The following AKAP7 variants were observed in gnomAD, a reference collection of about 807,000 sequenced individuals.
AKAP7 encodes the protein A kinase (PRKA) anchor protein 7.
A neutral mutation model predicts 39.5 loss-of-function variants in AKAP7; 39 were observed. That is an observed-to-expected ratio of 0.99 (90% CI 0.76 to 1.29). The LOEUF (loss-of-function observed/expected upper bound fraction) is 1.29. AKAP7 is among the 50% of genes most tolerant of loss of function. The pLI is 0.00. For synonymous variants in AKAP7, 140 were observed against 139.1 expected, an observed-to-expected ratio of 1.01 and a Z score of -0.05; for missense variants, 414 against 407.7, an observed-to-expected ratio of 1.02 and a Z score of -0.13.
At chr6:131,155,034 T>C (rs886870074) in intron 2 of AKAP7, among the ~76,000 whole-genome samples, 1 of 152,124 alleles carries the variant, frequency 6.6e-6, no homozygotes, top group African/African-American at 2.4e-5. Context: ...TTTTTTTTCT[T>C]TCTGAGAGAC....
At chr6:131,242,611 G>A (rs1811712728) in intron 7 of AKAP7, among the ~76,000 whole-genome samples, 1 of 151,984 alleles carries the variant, frequency 6.6e-6, no homozygotes, top group South Asian at 2.1e-4. Flanking sequence ...AACACTAGCA[G>A]ACACTAGTAG....
intron 6 of AKAP7, among the ~76,000 whole-genome samples, chr6:131,211,744 G>A (rs1316156650): frequency 7.4e-6 from 1 of 135,570 alleles, no homozygotes; most frequent in Non-Finnish European, 1.5e-5. Flanking sequence ...CTGCACTCCA[G>A]CCTGGGAGAC....
At chr6:131,269,865 A>C (rs754278496) in intron 7 of AKAP7, among the ~76,000 whole-genome samples, 1 of 152,212 alleles carries the variant, frequency 6.6e-6, no homozygotes, top group South Asian at 2.1e-4. Context: ...TCAGAAGGAA[A>C]GCAACTGAGA....
intron 5 of AKAP7, chr6:131,184,843 T>G: frequency 3.4e-6 from 5 of 1,473,588 alleles, no homozygotes; most frequent in Non-Finnish European, 4.7e-6. Flanking sequence ...TCGGTTCTTG[T>G]AACGTTTTCC....
intron 1 of AKAP7, among the ~76,000 whole-genome samples, chr6:131,141,150 A>G (rs754508722): frequency 5.3e-5 from 8 of 152,132 alleles, no homozygotes; most frequent in Non-Finnish European, 7.4e-5. Flanking sequence ...TGTCCCTTCA[A>G]ATCTCATGCT....
At chr6:131,153,129 C>CAAAAA (rs527758381) in intron 2 of AKAP7, among the ~76,000 whole-genome samples, 8 of 111,526 alleles carry the variant, frequency 7.2e-5, no homozygotes, top group Admixed American at 4.8e-4. Context: ...GACTCCATCT[C>CAAAAA]AAAAAAAAAA....
At chr6:131,157,737 A>T (rs1802552382) in intron 2 of AKAP7, among the ~76,000 whole-genome samples, 1 of 152,214 alleles carries the variant, frequency 6.6e-6, no homozygotes, top group Admixed American at 6.5e-5. Flanking sequence ...AAGTTCTGAT[A>T]AGGTTAGGTG....
At chr6:131,237,222 A>G (rs578213911) in intron 7 of AKAP7, among the ~76,000 whole-genome samples, 2 of 152,238 alleles carry the variant, frequency 1.3e-5, no homozygotes, top group South Asian at 2.1e-4. Flanking sequence ...TGATTTTCGT[A>G]TGTTGAACCA....
upstream of AKAP7, among the ~76,000 whole-genome samples, chr6:131,130,605 CT>C (rs1462566458): frequency 6.6e-6 from 1 of 152,146 alleles, no homozygotes; most frequent in African/African-American, 2.4e-5. Context: ...TGACCTTGTT[CT>C]TTTCATTTGC....
At chr6:131,139,444 A>T (rs768149724) in intron 1 of AKAP7, among the ~76,000 whole-genome samples, 15 of 152,214 alleles carry the variant, frequency 9.9e-5, no homozygotes, top group African/African-American at 1.4e-4. Context: ...ATGATGTTGA[A>T]CAAGTTATAT....
At chr6:131,159,817 G>C (rs144571080) in intron 2 of AKAP7, among the ~76,000 whole-genome samples, 6 of 152,298 alleles carry the variant, frequency 3.9e-5, no homozygotes, top group Non-Finnish European at 8.8e-5. Context: ...GAACACAACT[G>C]TACCCACTCA....
intron 6 of AKAP7, among the ~76,000 whole-genome samples, chr6:131,205,929 A>T: frequency 6.6e-6 from 1 of 152,212 alleles, no homozygotes; most frequent in East Asian, 1.9e-4. Flanking sequence ...TTTAGTTGAC[A>T]TAGCTAGTCC....
chr6:131,180,108 C>G (rs1805010370), intron 5 of AKAP7, among the ~76,000 whole-genome samples: 1 of 152,216 alleles, frequency 6.6e-6, no homozygotes, highest in Admixed American at 6.5e-5. Context: ...CCTTCTACCC[C>G]TCTCTCAGCA....
intron 7 of AKAP7, among the ~76,000 whole-genome samples, chr6:131,225,020 T>G (rs796283099): frequency 7.9e-5 from 12 of 152,176 alleles, no homozygotes; most frequent in African/African-American, 2.9e-4. Context: ...CCTCCCAAAG[T>G]GCAGGGATTA....
intron 6 of AKAP7, among the ~76,000 whole-genome samples, chr6:131,216,155 G>A (rs1290853927): frequency 6.6e-6 from 1 of 152,050 alleles, no homozygotes; most frequent in Admixed American, 6.5e-5. Flanking sequence ...ACCACAAAAG[G>A]TTTGTCATAG....
chr6:131,256,200 C>T (rs1812834267), intron 7 of AKAP7, among the ~76,000 whole-genome samples: 1 of 152,166 alleles, frequency 6.6e-6, no homozygotes, highest in Non-Finnish European at 1.5e-5. Flanking sequence ...CGTAAGATTT[C>T]TGTGGGTAAT....
At chr6:131,266,718 G>T (rs1370984959) in intron 7 of AKAP7, among the ~76,000 whole-genome samples, 1 of 151,468 alleles carries the variant, frequency 6.6e-6, no homozygotes, top group African/African-American at 2.4e-5. Context: ...GTTTTTTAAC[G>T]GTGTGCTCTG....
rs1807301949 is a variant in AKAP7, at chr6:131,199,464, C to T, written c.593C>T (p.Thr198Ile). 6.3e-7 allele frequency: 1 copy of T among 1,579,152 alleles called. No individual in the cohort carries two copies. Among genetic ancestry groups the T allele is most frequent in the Non-Finnish European group, 8.7e-7 (1 of 1,152,022 alleles). ...TGTTTCTCTTTATTTTCTTCAGAGA[C>T]TGCAAATAGGACATTTCAAGAAAAA... ...HVNSLLEIAE[T>I]ANRTFQEKGI... Residue 198 changes from threonine (T) to isoleucine (I), a missense_variant, in exon 6 of 8, where the codon ACT becomes ATT. Thr to Ile is a moderately conservative substitution (Grantham distance 89). Transcript: ENST00000431975.
chr6:131,176,870 G>T (rs1804636277), intron 5 of AKAP7, among the ~76,000 whole-genome samples: 2 of 152,130 alleles, frequency 1.3e-5, no homozygotes, highest in Non-Finnish European at 2.9e-5. Flanking sequence ...AATGGCTTGG[G>T]CTACGCTTTC....
Sources: gnomAD v4.1 joint callset for allele counts (sites outside exome capture counted in the v4.1 genomes callset) on GRCh38, gnomAD v4.1.1 for gene constraint, MANE v1.5 for transcripts, NCBI Gene and HGNC (gene_info 2026-07-23, HGNC 2026-07-21) for gene names.